Variants in SPPL3 observed in about 807,000 individuals in gnomAD.
SPPL3 encodes the protein signal peptide peptidase like 3.
SPPL3 carries 5 observed loss-of-function variants against 42.4 expected under a neutral mutation model. The ratio of observed to expected loss-of-function variants is 0.12; its 90% CI spans 0.06 to 0.25. SPPL3 has a LOEUF of 0.25. Among genes scored for constraint, SPPL3 ranks in the 10% least tolerant of loss-of-function variants. The pLI is 1.00. For missense variants in SPPL3, 235 were observed against 489.0 expected, an observed-to-expected ratio of 0.48 and a Z score of 4.90; for synonymous variants, 195 against 181.8, an observed-to-expected ratio of 1.07 and a Z score of -0.58.
chr12:120,816,557 G>C (rs564398005), intron 1 of SPPL3, among the ~76,000 whole-genome samples: 3 of 152,228 alleles, frequency 2.0e-5, no homozygotes, highest in African/African-American at 7.2e-5. Flanking sequence ...TGTTGCTTAA[G>C]CTGGAGTGCA....
chr12:120,830,962 G>A (rs768176336), intron 1 of SPPL3, among the ~76,000 whole-genome samples: 1 of 152,160 alleles, frequency 6.6e-6, no homozygotes, highest in African/African-American at 2.4e-5. Flanking sequence ...GAGGGGATCA[G>A]CACTGAAGTG....
chr12:120,774,198 T>C (rs568022241), intron 6 of SPPL3, among the ~76,000 whole-genome samples: 104 of 152,258 alleles, frequency 6.8e-4, no homozygotes, highest in African/African-American at 2.5e-3. Context: ...TTCTGAGGTG[T>C]TATCCTTTAC....
chr12:120,798,666 T>C (rs912996924), intron 2 of SPPL3, among the ~76,000 whole-genome samples: 5 of 152,242 alleles, frequency 3.3e-5, no homozygotes, highest in African/African-American at 9.6e-5. Flanking sequence ...TTAATTTAAA[T>C]TGAGTTTTTC....
At chr12:120,837,100 G>A (rs192386665) in intron 1 of SPPL3, among the ~76,000 whole-genome samples, 4 of 152,232 alleles carry the variant, frequency 2.6e-5, no homozygotes, top group Admixed American at 2.0e-4. Flanking sequence ...ATAGATAATA[G>A]ATAACTGATA....
chr12:120,804,372 TAAAG>T (rs759376493), intron 2 of SPPL3, among the ~76,000 whole-genome samples: 1 of 151,764 alleles, frequency 6.6e-6, no homozygotes, highest in African/African-American at 2.4e-5. Context: ...ATTTTCACAA[TAAAG>T]AAAGAACACT....
At chr12:120,830,609 G>A (rs1001015533) in intron 1 of SPPL3, among the ~76,000 whole-genome samples, 1 of 143,184 alleles carries the variant, frequency 7.0e-6, no homozygotes, top group Non-Finnish European at 1.5e-5. Flanking sequence ...GAGAGAGAAG[G>A]TGTACATGCA....
rs922038310 is a variant in SPPL3, at chr12:120,790,135, A to G, written c.190+1334T>C. ...TGTAATAATTTAATCTAAAAATCAG[A>G]TTTTGCACCAGGTTTTATGTGGTTC... On this transcript the variant is annotated intron_variant, in intron 3 of 10. Transcript: ENST00000353487. Among the ~76,000 whole-genome samples the G allele has an allele frequency of 5.9e-5, 9 of 152,354 alleles. No homozygotes were observed. The East Asian group carries it at 1.7e-3, about 29-fold the overall frequency.
intron 1 of SPPL3, among the ~76,000 whole-genome samples, chr12:120,832,104 T>C (rs1871444496): frequency 2.6e-5 from 4 of 152,336 alleles, no homozygotes; most frequent in Admixed American, 6.5e-5. Flanking sequence ...GCTTTTCCTA[T>C]GTGTGGGGTA....
Position 120,800,300 on chromosome 12 carries a change from C to T in SPPL3, c.102-8743G>A, listed in dbSNP as rs559481890. The stretch of plus-strand genomic sequence containing the variant: ...GGTGGATCACCTGAGGTTAGAAGTT[C>T]GAGACCAGCCTGGACAACATGGTGA... On this transcript the variant is annotated intron_variant, in intron 2 of 10. Coordinates refer to ENST00000353487, the MANE Select transcript of SPPL3 (RefSeq NM_139015.5). 1.1e-4 allele frequency among the ~76,000 whole-genome samples: 17 copies of T among 152,140 alleles called. No homozygotes were observed. The South Asian group carries it at 2.3e-3, about 20-fold the overall frequency.
intron 1 of SPPL3, among the ~76,000 whole-genome samples, chr12:120,852,905 A>ATT (rs1279076280): frequency 1.1e-4 from 12 of 112,786 alleles, no homozygotes; most frequent in East Asian, 5.3e-4. Flanking sequence ...ATATATATAT[A>ATT]TTTTTTAAGA....
chr12:120,883,830 G>A (rs1873364168), intron 1 of SPPL3, among the ~76,000 whole-genome samples: 1 of 152,186 alleles, frequency 6.6e-6, no homozygotes, highest in African/African-American at 2.4e-5. Flanking sequence ...AGCCGGGCGT[G>A]GTGGCTCATG....
intron 2 of SPPL3, among the ~76,000 whole-genome samples, chr12:120,803,393 G>A (rs1262546893): frequency 6.6e-6 from 1 of 152,142 alleles, no homozygotes; most frequent in Non-Finnish European, 1.5e-5. Context: ...GGAGGGGAGA[G>A]CAGATCAGTT....
At chr12:120,791,838 A>G in intron 2 of SPPL3, 2 of 331,842 alleles carry the variant, frequency 6.0e-6, no homozygotes, top group Non-Finnish European at 5.6e-6. Context: ...CCTTATGATA[A>G]AAGCCTAGAA....
intron 1 of SPPL3, among the ~76,000 whole-genome samples, chr12:120,855,232 T>C (rs540883657): frequency 2.0e-5 from 3 of 152,298 alleles, no homozygotes; most frequent in African/African-American, 7.2e-5. Context: ...AGATTCCATA[T>C]AGCACAAAAA....
chr12:120,781,574 T>G (rs397832384), intron 6 of SPPL3, among the ~76,000 whole-genome samples: 9 of 121,604 alleles, frequency 7.4e-5, no homozygotes, highest in East Asian at 2.3e-4. Flanking sequence ...TTTTTTTTTT[T>G]TTTTTTTTTT....
chr12:120,880,230 C>A (rs1873236069), intron 1 of SPPL3, among the ~76,000 whole-genome samples: 1 of 151,742 alleles, frequency 6.6e-6, no homozygotes, highest in South Asian at 2.1e-4. Context: ...ATGAATTACA[C>A]AAAAGAATGA....
At chr12:120,789,457 A>AAAAAAAAAAG (rs1478779248) in intron 3 of SPPL3, among the ~76,000 whole-genome samples, 7 of 151,258 alleles carry the variant, frequency 4.6e-5, no homozygotes, top group East Asian at 1.9e-4. Context: ...GTCTCAAAAA[A>AAAAAAAAAAG]AAAAAGAAAA....
intron 6 of SPPL3, among the ~76,000 whole-genome samples, chr12:120,773,742 T>C (rs1353289013): frequency 6.6e-6 from 1 of 152,208 alleles, no homozygotes; most frequent in Non-Finnish European, 1.5e-5. Context: ...CTCAAGTGAC[T>C]ACCAGCGCCC....
chr12:120,768,937 G>A lies in SPPL3; in HGVS notation c.609+16C>T, dbSNP rs777452276. 1.6e-5 allele frequency: 25 copies of A among 1,588,600 alleles called. No homozygotes were observed. Among genetic ancestry groups the A allele is most frequent in the South Asian group, 1.4e-4 (12 of 87,520 alleles). ...ACACAAAGAAGGGGAGGAGCTCCAA[G>A]GACATAAACGCTTACCCAAAAGACA... is the stretch of plus-strand genomic sequence containing the variant. On this transcript the variant is annotated intron_variant, in intron 7 of 10. Transcript: ENST00000353487.
Sources: gnomAD v4.1 joint callset for allele counts (sites outside exome capture counted in the v4.1 genomes callset) on GRCh38, gnomAD v4.1.1 for gene constraint, MANE v1.5 for transcripts, NCBI Gene and HGNC (gene_info 2026-07-23, HGNC 2026-07-21) for gene names.